The following RASGRF2 variants were observed in gnomAD, a reference collection of about 807,000 sequenced individuals.
The protein encoded by RASGRF2 is Ras protein specific guanine nucleotide releasing factor 2.
A neutral mutation model predicts 151.0 loss-of-function variants in RASGRF2; 76 were observed. The ratio of observed to expected loss-of-function variants is 0.50; its 90% CI spans 0.42 to 0.61. RASGRF2 has a LOEUF of 0.61. Among genes scored for constraint, RASGRF2 ranks in the 20% least tolerant of loss-of-function variants. RASGRF2 has a pLI of 0.00. For missense variants in RASGRF2, 1,148 were observed against 1,564.6 expected (o/e 0.73, Z 4.49); for synonymous variants, 504 against 566.5 (o/e 0.89, Z 1.57).
At chr5:81,193,091 C>T (rs1030210822) in intron 18 of RASGRF2, among the ~76,000 whole-genome samples, 6 of 152,158 alleles carry the variant, frequency 3.9e-5, no homozygotes, top group African/African-American at 1.2e-4. Flanking sequence ...TAGGAATATA[C>T]TGTACTTATT....
intron 1 of RASGRF2, among the ~76,000 whole-genome samples, chr5:80,970,824 AT>A (rs1315561384): frequency 6.6e-6 from 1 of 152,194 alleles, no homozygotes; most frequent in Non-Finnish European, 1.5e-5. Flanking sequence ...CATCTAGTGC[AT>A]TCATCAAGCT....
intron 1 of RASGRF2, among the ~76,000 whole-genome samples, chr5:81,040,206 A>G (rs1450510034): frequency 6.6e-6 from 1 of 151,948 alleles, no homozygotes; most frequent in East Asian, 1.9e-4. Context: ...ACAGGGTCTC[A>G]TTATATTTCC....
At position 81,110,814 on chromosome 5, in the gene RASGRF2, AT is replaced by A. The variant is rs1752972873; in HGVS notation, c.1838+1737del. 3.9e-5 allele frequency among the ~76,000 whole-genome samples: 6 copies of A among 152,330 alleles called. 2 individuals are homozygous for A. Among genetic ancestry groups the A allele is most frequent in the African/African-American group, 1.4e-4 (6 of 41,582 alleles). ...AATGAGCAAATTAAGAACCAGAAAA[AT>A]AAAGTTGGTTGAGGGACACATAGTG... On this transcript the variant is annotated intron_variant, in intron 13 of 26. Coordinates refer to ENST00000265080, the MANE Select transcript of RASGRF2 (RefSeq NM_006909.3).
At position 81,170,144 on chromosome 5, in the gene RASGRF2, C is replaced by T. The variant is rs954442017; in HGVS notation, c.2687-10031C>T. Among the ~76,000 whole-genome samples, 62 of 152,268 alleles carry T rather than the reference C, an allele frequency of 4.1e-4. 1 individual carries two copies. The highest frequency in any genetic ancestry group is 3.9e-4 in the Admixed American group (6 of 15,304). The stretch of plus-strand genomic sequence containing the variant: ...AGCATCACCTGCACCACCTGCATCA[C>T]CTGCACCACCTGCATCACTTGCAGC... On this transcript the variant is annotated intron_variant, in intron 17 of 26. Coordinates refer to ENST00000265080, the MANE Select transcript of RASGRF2 (RefSeq NM_006909.3).
At chr5:80,984,762 T>C (rs1254263013) in intron 1 of RASGRF2, among the ~76,000 whole-genome samples, 4 of 152,222 alleles carry the variant, frequency 2.6e-5, no homozygotes, top group Non-Finnish European at 5.9e-5. Context: ...AAAAATTGAA[T>C]ACAACCTCAA....
rs73128805 is a variant in RASGRF2, at chr5:81,113,882, T to G, written c.2432T>G (p.Val811Gly). 1 of 1,614,170 alleles carries G rather than the reference T, an allele frequency of 6.2e-7. No homozygotes were observed. Residue 811 changes from valine (V) to glycine (G), a missense_variant, in exon 15 of 27, where the codon GTG (valine) becomes GGG (glycine). This residue lies in a region of RASGRF2 where 646 missense variants were observed against 807.4 expected (regional missense o/e 0.80). Coordinates refer to ENST00000265080, the MANE Select transcript of RASGRF2 (RefSeq NM_006909.3). ...TVEENVDNPR[V>G]DLCNKLKRSI... ...GAAGAGAATGTCGATAACCCACGCG[T>G]GGATCTGTGTAACAAGCTAAAACGA...
intron 22 of RASGRF2, 46 bp downstream of exon 22, chr5:81,208,484 G>A (rs778017292): frequency 7.2e-7 from 1 of 1,395,184 alleles, no homozygotes. Flanking sequence ...ACAAGAAGAT[G>A]GATATTGGGG....
At chr5:80,976,365 T>C (rs1464731382) in intron 1 of RASGRF2, among the ~76,000 whole-genome samples, 1 of 152,200 alleles carries the variant, frequency 6.6e-6, no homozygotes. Flanking sequence ...AGTAATTCAC[T>C]TGGGGCAAAC....
intron 6 of RASGRF2, 104 bp from the exon 7 acceptor site, chr5:81,080,492 A>G (rs1752055722): frequency 8.1e-7 from 1 of 1,237,336 alleles, no homozygotes; most frequent in Non-Finnish European, 1.1e-6. Flanking sequence ...GGCTCCATGC[A>G]TGTGTGACAC....
chr5:81,056,268 GC>G (rs1279356730), intron 2 of RASGRF2, among the ~76,000 whole-genome samples: 2 of 152,140 alleles, frequency 1.3e-5, no homozygotes, highest in African/African-American at 4.8e-5. Flanking sequence ...GGCATTTAGT[GC>G]TATAAATTTC....
chr5:81,170,208 C>T (rs1293870234), intron 17 of RASGRF2, among the ~76,000 whole-genome samples: 1 of 152,214 alleles, frequency 6.6e-6, no homozygotes, highest in Admixed American at 6.5e-5. Flanking sequence ...CCTGCACCAC[C>T]TGTATCACCT....
intron 2 of RASGRF2, among the ~76,000 whole-genome samples, chr5:81,054,686 G>T (rs1751137487): frequency 8.5e-6 from 1 of 118,338 alleles, no homozygotes; most frequent in Non-Finnish European, 1.7e-5. Flanking sequence ...GCTTGATGGG[G>T]ATGGCATTGA....
At chr5:80,976,969 C>T (rs1748136123) in intron 1 of RASGRF2, among the ~76,000 whole-genome samples, 1 of 152,140 alleles carries the variant, frequency 6.6e-6, no homozygotes, top group African/African-American at 2.4e-5. Flanking sequence ...AGAAGGGGTC[C>T]TTAGATGTAC....
At chr5:81,207,784 C>T (rs1003929924) in intron 21 of RASGRF2, among the ~76,000 whole-genome samples, 11 of 152,318 alleles carry the variant, frequency 7.2e-5, no homozygotes, top group Middle Eastern at 3.4e-3. Context: ...GGGCAACATG[C>T]GGTACAAGCC....
intron 25 of RASGRF2, among the ~76,000 whole-genome samples, chr5:81,218,386 G>A (rs1457342916): frequency 6.6e-6 from 1 of 152,118 alleles, no homozygotes; most frequent in Non-Finnish European, 1.5e-5. Flanking sequence ...AAGGTGAGAG[G>A]TGAGGATCCA....
intron 18 of RASGRF2, among the ~76,000 whole-genome samples, chr5:81,195,906 A>C (rs1021418790): frequency 6.6e-6 from 1 of 152,164 alleles, no homozygotes; most frequent in African/African-American, 2.4e-5. Flanking sequence ...ATGTGACGGG[A>C]GACCATGAGA....
Position 81,116,272 on chromosome 5 carries a change from G to A in RASGRF2, c.2470+2352G>A, listed in dbSNP as rs1580331182. Among the ~76,000 whole-genome samples the A allele has an allele frequency of 2.0e-5, 3 of 151,584 alleles. No individual in the cohort carries two copies. In the South Asian group the frequency reaches 6.3e-4, roughly 32 times the overall value. On this transcript the variant is annotated intron_variant, in intron 15 of 26. Coordinates refer to ENST00000265080, the MANE Select transcript of RASGRF2 (RefSeq NM_006909.3). ...TAATTTTTGTATTTTTAGTAGAGAC[G>A]GGCTTTCACCATGTTGGCCAGGCTA...
intron 18 of RASGRF2, among the ~76,000 whole-genome samples, chr5:81,181,503 T>G (rs1025755951): frequency 1.3e-5 from 2 of 152,234 alleles, no homozygotes; most frequent in African/African-American, 4.8e-5. Context: ...CCATCCTTAG[T>G]GCATGAGAAA....
intron 17 of RASGRF2, among the ~76,000 whole-genome samples, chr5:81,156,740 G>A (rs1754268014): frequency 1.3e-5 from 2 of 152,274 alleles, no homozygotes; most frequent in Middle Eastern, 3.4e-3. Flanking sequence ...AAGACTGAAT[G>A]CTTTCCTCCT....
Sources: gnomAD v4.1 joint callset for allele counts (sites outside exome capture counted in the v4.1 genomes callset) on GRCh38, gnomAD v4.1.1 for gene constraint, gnomAD v4.1.1 regional missense constraint, MANE v1.5 for transcripts, NCBI Gene and HGNC (gene_info 2026-07-23, HGNC 2026-07-21) for gene names.